The following DENND1B variants were observed in gnomAD, a reference collection of about 807,000 sequenced individuals.
The protein encoded by DENND1B is DENN domain-containing protein 1B.
Under a neutral mutation model 90.1 loss-of-function variants are expected in DENND1B, and 59 were observed. That is an observed-to-expected ratio of 0.65 (90% CI 0.53 to 0.81). The LOEUF is 0.81. Ranked by LOEUF, DENND1B falls within the 40% of genes least tolerant of loss-of-function variation. The probability of loss-of-function intolerance (pLI) is 0.00; values close to 1 mark genes in which losing one functional copy is unlikely to be tolerated. For missense variants in DENND1B, 862 were observed against 912.6 expected, an observed-to-expected ratio of 0.94 and a Z score of 0.71; for synonymous variants, 337 against 324.6, an observed-to-expected ratio of 1.04 and a Z score of -0.41.
chr1:197,775,628 G>T (rs553667202), upstream of DENND1B: 1 of 153,292 alleles, frequency 6.5e-6, no homozygotes, highest in South Asian at 2.1e-4. Flanking sequence ...CAGGGGGAGC[G>T]CTAGTGCCTG....
chr1:197,526,501 C>T (rs1669139978), intron 20 of DENND1B, among the ~76,000 whole-genome samples: 1 of 151,986 alleles, frequency 6.6e-6, no homozygotes, highest in South Asian at 2.1e-4. Context: ...GATGTGATTA[C>T]TGATGTAAAG....
At chr1:197,654,997 G>A (rs1056435386) in intron 6 of DENND1B, among the ~76,000 whole-genome samples, 1 of 152,026 alleles carries the variant, frequency 6.6e-6, no homozygotes, top group Non-Finnish European at 1.5e-5. Context: ...TGCCCAGGAG[G>A]ATATTTTGCT....
intron 15 of DENND1B, among the ~76,000 whole-genome samples, chr1:197,568,392 G>C (rs775485098): frequency 2.0e-5 from 3 of 152,052 alleles, no homozygotes; most frequent in African/African-American, 4.8e-5. Flanking sequence ...TTCATGGATG[G>C]AAGAATTAGC....
intron 2 of DENND1B, among the ~76,000 whole-genome samples, chr1:197,744,350 A>G (rs1237480484): frequency 6.6e-6 from 1 of 152,210 alleles, no homozygotes; most frequent in African/African-American, 2.4e-5. Flanking sequence ...TAATGATATA[A>G]AACTTGAAAG....
chr1:197,708,077 A>C (rs1659790483), intron 3 of DENND1B, among the ~76,000 whole-genome samples: 1 of 139,912 alleles, frequency 7.1e-6, no homozygotes, highest in Non-Finnish European at 1.6e-5. Flanking sequence ...AGAGGGTCCT[A>C]CGCCCACGGA....
chr1:197,638,639 A>G (rs1477653778), intron 10 of DENND1B, among the ~76,000 whole-genome samples: 1 of 152,208 alleles, frequency 6.6e-6, no homozygotes, highest in Non-Finnish European at 1.5e-5. Context: ...GTCACAAAAC[A>G]GCAATAAGTC....
At chr1:197,643,605 C>A (rs1680478077) in intron 9 of DENND1B, among the ~76,000 whole-genome samples, 1 of 152,192 alleles carries the variant, frequency 6.6e-6, no homozygotes, top group Non-Finnish European at 1.5e-5. Flanking sequence ...ACAGCATGCA[C>A]AACGTACCCA....
chr1:197,614,198 CAT>C (rs1482618989), intron 11 of DENND1B, among the ~76,000 whole-genome samples: 1 of 151,052 alleles, frequency 6.6e-6, no homozygotes, highest in African/African-American at 2.4e-5. Flanking sequence ...AAAATTTAAT[CAT>C]ATAATAACTT....
At chr1:197,755,831 T>A (rs1654208243) in intron 2 of DENND1B, among the ~76,000 whole-genome samples, 1 of 151,988 alleles carries the variant, frequency 6.6e-6, no homozygotes, top group Non-Finnish European at 1.5e-5. Context: ...AACCATCAGA[T>A]CCTGTGAGAC....
At position 197,719,521 on chromosome 1, in the gene DENND1B, A is replaced by G. The variant is rs533269168; in HGVS notation, c.83-4447T>C. ...GAAAAAAAACTGCTAATATTTTTCT[A>G]TGTAGTAGGTAGTTCTCTAAAGCAA... On this transcript the variant is annotated intron_variant, in intron 2 of 22. Coordinates refer to ENST00000620048, the MANE Select transcript of DENND1B (RefSeq NM_001195215.2). 5.9e-5 allele frequency among the ~76,000 whole-genome samples: 9 copies of G among 152,238 alleles called. No homozygotes were observed. The South Asian group carries it at 1.2e-3, about 21-fold the overall frequency.
chr1:197,599,463 T>A (rs1572022669), intron 13 of DENND1B, among the ~76,000 whole-genome samples: 1 of 151,964 alleles, frequency 6.6e-6, no homozygotes, highest in African/African-American at 2.4e-5. Flanking sequence ...AAAACACTCC[T>A]AAGATATTTT....
intron 20 of DENND1B, among the ~76,000 whole-genome samples, chr1:197,538,627 T>C (rs1159051467): frequency 6.6e-6 from 1 of 151,464 alleles, no homozygotes; most frequent in East Asian, 1.9e-4. Flanking sequence ...GTGTGGCATA[T>C]AGTGTTGATG....
chr1:197,733,414 C>A (rs952167957), intron 2 of DENND1B, among the ~76,000 whole-genome samples: 5 of 152,332 alleles, frequency 3.3e-5, no homozygotes, highest in Admixed American at 6.5e-5. Context: ...TTACCCAACA[C>A]TTTTTCCCCC....
Position 197,510,886 on chromosome 1 carries a change from G to A in DENND1B, c.1902C>T (p.Asp634=), listed in dbSNP as rs778088993. 138 of 1,607,700 alleles carry A rather than the reference G, an allele frequency of 8.6e-5. No individual in the cohort carries two copies. Among genetic ancestry groups the A allele is most frequent in the Non-Finnish European group, 1.1e-4 (132 of 1,177,110 alleles). ...GDQAEWNLGQ[D]DSALHGKHLP... ...GGTGTTTGCCATGGAGGGCACTATC[G>A]TCTTGCCCAAGATTCCACTCTGCTT... The change falls in exon 23 of 23, where the codon GAC becomes GAT. Residue 634 remains aspartate, a synonymous_variant. Coordinates refer to ENST00000620048, the MANE Select transcript of DENND1B (RefSeq NM_001195215.2).
intron 2 of DENND1B, among the ~76,000 whole-genome samples, chr1:197,769,017 C>A (rs1473224369): frequency 1.3e-5 from 2 of 152,156 alleles, no homozygotes; most frequent in African/African-American, 4.8e-5. Context: ...AACAACCTGT[C>A]TCTGAAGATA....
chr1:197,735,713 G>A (rs377754672), intron 2 of DENND1B: 1 of 1,613,790 alleles, frequency 6.2e-7, no homozygotes, highest in East Asian at 2.2e-5. Flanking sequence ...GGACCGACAG[G>A]AAAGTTTTCC....
intron 14 of DENND1B, among the ~76,000 whole-genome samples, chr1:197,584,726 T>C (rs1674544067): frequency 6.6e-6 from 1 of 152,110 alleles, no homozygotes; most frequent in Non-Finnish European, 1.5e-5. Context: ...GGTAGGATTA[T>C]AGTGGTTCAT....
rs1462421385 is a variant in DENND1B, at chr1:197,510,083, T to C, written c.*377A>G. On this transcript the variant is annotated 3_prime_UTR_variant, in exon 23 of 23. Transcript: ENST00000620048. ...TTCATCAGCTTCAGGCTAGTTTTGATAAGTTTTGATATCTTGATCAGTTCA... is the reference window on the plus strand; with the variant it reads ...TTCATCAGCTTCAGGCTAGTTTTGACAAGTTTTGATATCTTGATCAGTTCA... 1 of 165,632 alleles carries C rather than the reference T, an allele frequency of 6.0e-6. No homozygotes were observed. Among genetic ancestry groups the C allele is most frequent in the Non-Finnish European group, 1.3e-5 (1 of 77,054 alleles). The allele number at this position is 165,632 out of a possible 1,614,324, so 10.3% of individuals were successfully genotyped here.
At chr1:197,569,459 A>C (rs1672961218) in intron 15 of DENND1B, among the ~76,000 whole-genome samples, 1 of 152,112 alleles carries the variant, frequency 6.6e-6, no homozygotes. Flanking sequence ...TATGCTGAAG[A>C]TCTATCTGCA....
Sources: gnomAD v4.1 joint callset for allele counts (sites outside exome capture counted in the v4.1 genomes callset) on GRCh38, gnomAD v4.1.1 for gene constraint, MANE v1.5 for transcripts, NCBI Gene and HGNC (gene_info 2026-07-23, HGNC 2026-07-21) for gene names.